ECD: variants seen among roughly 807,000 people sequenced by gnomAD.
The protein encoded by ECD is protein ecdysoneless homolog.
Under a neutral mutation model 77.2 loss-of-function variants are expected in ECD, and 59 were observed. The ratio of observed to expected loss-of-function variants is 0.76; its 90% confidence interval spans 0.62 to 0.95. The LOEUF (loss-of-function observed/expected upper bound fraction) is 0.95, where lower values mean the gene tolerates loss of function less well. Ranked by LOEUF, ECD falls within the 40% of genes least tolerant of loss-of-function variation. ECD has a pLI of 0.00. For synonymous variants in ECD, 233 were observed against 267.4 expected, an observed-to-expected ratio of 0.87 and a Z score of 1.26; for missense variants, 704 against 763.4, an observed-to-expected ratio of 0.92 and a Z score of 0.92.
At chr10:73,146,410 GA>G in intron 8 of ECD, 49 bp from the exon 9 acceptor site, 9 of 1,345,226 alleles carry the variant, frequency 6.7e-6, no homozygotes, top group Non-Finnish European at 7.1e-6. Flanking sequence ...AAGTTGTCAT[GA>G]AAAAAATGTG....
In ECD at chr10:73,138,121, T is replaced by A. The variant is rs189779912; in HGVS notation, c.1422-51A>T. 2.2e-6 allele frequency: 3 copies of A among 1,388,646 alleles called. No homozygotes were observed. The African/African-American group carries it at 4.6e-5, about 21-fold the overall frequency. 86.0% of individuals were successfully genotyped at this position (1,388,646 alleles called of 1,614,324 possible). The stretch of plus-strand genomic sequence containing the variant: ...TTAATTTATTCTAAATACAACTCTT[T>A]GAAACTTTTCTAAAGTGGTGCCATT... On this transcript the variant is annotated intron_variant, in intron 11 of 13. Transcript: ENST00000372979.
At chr10:73,146,886 T>C (rs1036679899) in intron 8 of ECD, among the ~76,000 whole-genome samples, 2 of 152,192 alleles carry the variant, frequency 1.3e-5, no homozygotes, top group African/African-American at 4.8e-5. Flanking sequence ...ATTACTATCA[T>C]TTGTGTTTTC....
At chr10:73,141,960 TTTTTTC>T (rs919508460) in intron 9 of ECD, among the ~76,000 whole-genome samples, 47 of 152,280 alleles carry the variant, frequency 3.1e-4, no homozygotes, top group African/African-American at 1.0e-3. Context: ...ATAGTTTCTT[TTTTTTC>T]TTTTTCTAAG....
chr10:73,138,886 C>T (rs1843012333), intron 11 of ECD, among the ~76,000 whole-genome samples: 1 of 152,128 alleles, frequency 6.6e-6, no homozygotes, highest in African/African-American at 2.4e-5. Context: ...ATTCTATCTA[C>T]CTGTTTTTCC....
chr10:73,137,957 C>G, intron 12 of ECD, 46 bp downstream of exon 12: 1 of 1,438,338 alleles, frequency 7.0e-7, no homozygotes, highest in Non-Finnish European at 9.4e-7. Context: ...AACAGCCATA[C>G]TACTAACAGT....
intron 13 of ECD, among the ~76,000 whole-genome samples, chr10:73,135,053 C>G (rs1178704160): frequency 6.6e-6 from 1 of 151,996 alleles, no homozygotes. Flanking sequence ...TCCTGCAAAT[C>G]GAATAAATTG....
chr10:73,153,039 C>G (rs760326971), intron 6 of ECD, among the ~76,000 whole-genome samples: 18 of 151,360 alleles, frequency 1.2e-4, no homozygotes, highest in Admixed American at 4.6e-4. Flanking sequence ...ATTTCTGAGA[C>G]AGGGTCTTGC....
intron 13 of ECD, 63 bp downstream of exon 13, chr10:73,136,641 A>G: frequency 1.4e-6 from 2 of 1,425,326 alleles, no homozygotes; most frequent in Non-Finnish European, 1.9e-6. Context: ...CTATGATAAA[A>G]TATGGTTTTA....
chr10:73,151,532 A>T (rs574579062), intron 7 of ECD, among the ~76,000 whole-genome samples: 59 of 151,816 alleles, frequency 3.9e-4, no homozygotes, highest in South Asian at 2.1e-3. Flanking sequence ...ATAATAATAA[A>T]AAAAAAAAGA....
intron 2 of ECD, among the ~76,000 whole-genome samples, chr10:73,161,176 A>C (rs911332481): frequency 6.6e-6 from 1 of 151,188 alleles, no homozygotes; most frequent in African/African-American, 2.4e-5. Context: ...AAAAAAAAAA[A>C]CAAAAACTAA....
intron 7 of ECD, among the ~76,000 whole-genome samples, chr10:73,149,816 G>A (rs1295073458): frequency 6.6e-6 from 1 of 152,112 alleles, no homozygotes; most frequent in Non-Finnish European, 1.5e-5. Context: ...TATCAACAAT[G>A]TCTGAGAATG....
In ECD at chr10:73,148,381, G is replaced by A; in HGVS notation, c.936C>T (p.Cys312=). 6.2e-7 allele frequency: 1 copy of A among 1,613,832 alleles called. No individual in the cohort carries two copies. The highest frequency in any genetic ancestry group is 8.5e-7 in the Non-Finnish European group (1 of 1,179,836). The change falls in exon 8 of 14, where the codon TGC becomes TGT. Residue 312 remains cysteine, a synonymous_variant. Transcript: ENST00000372979. ...CAGAAAAATGTGGGCTACATTTGGAGCATAAGATCTCAAATCCATGAGCCT... is the reference window on the plus strand; with the variant it reads ...CAGAAAAATGTGGGCTACATTTGGAACATAAGATCTCAAATCCATGAGCCT... The part of the protein sequence containing the change: ...MKLAHGFEIL[C]SKCSPHFSDC...
chr10:73,146,832 A>G (rs2133256970), intron 8 of ECD, among the ~76,000 whole-genome samples: 1 of 152,314 alleles, frequency 6.6e-6, no homozygotes, highest in African/African-American at 2.4e-5. Context: ...AAAACAAAGT[A>G]CAGAAAGTTT....
chr10:73,149,553 CAACA>C (rs1363943446), intron 7 of ECD, among the ~76,000 whole-genome samples: 1 of 152,124 alleles, frequency 6.6e-6, no homozygotes, highest in Non-Finnish European at 1.5e-5. Flanking sequence ...ATGACATATT[CAACA>C]GTTTATTATA....
intron 5 of ECD, 68 bp from the exon 6 acceptor site, chr10:73,154,516 C>T (rs1458144852): frequency 1.5e-5 from 21 of 1,400,256 alleles, no homozygotes; most frequent in Non-Finnish European, 2.0e-5. Context: ...ATACCATTCA[C>T]ATTCTTTTTG....
Position 73,152,331 on chromosome 10 carries a change from C to A in ECD, c.874G>T (p.Asp292Tyr). 6.2e-7 allele frequency: 1 copy of A among 1,613,858 alleles called. No homozygotes were observed. Among genetic ancestry groups the A allele is most frequent in the Middle Eastern group, 1.6e-4 (1 of 6,062 alleles). ...RSGYRLPPPS[D>Y]PQYRAHELGM... ...AATTCATGGGCTCGGTACTGGGGAT[C>A]AGATGGAGGAGGCAGCCTGTATCCA... is the stretch of plus-strand genomic sequence containing the variant. The change falls in exon 7 of 14, where the codon GAT becomes TAT. Residue 292 changes from aspartate to tyrosine, a missense_variant. Coordinates refer to ENST00000372979, the MANE Select transcript of ECD (RefSeq NM_007265.3).
In ECD at chr10:73,163,841, C is replaced by G. The variant is rs754234290; in HGVS notation, c.97G>C (p.Glu33Gln). The G allele has an allele frequency of 6.2e-7, 1 of 1,614,092 alleles. No homozygotes were observed. Among genetic ancestry groups the G allele is most frequent in the East Asian group, 2.2e-5 (1 of 44,870 alleles). The change falls in exon 2 of 14, where the codon GAG (glutamate) becomes CAG (glutamine). Residue 33 changes from glutamate to glutamine, a missense_variant. This residue lies in a region of ECD where 559 missense variants were observed against 583.7 expected (regional missense o/e 0.96). Transcript: ENST00000372979. ...DESRDSDKHK[E>Q]ILQKYIERII... ...CTCTCAATGTACTTCTGAAGAATCT[C>G]TTTATGTTTATCTGAGTCCCTTGAC...
chr10:73,139,560 C>T (rs945633938), intron 10 of ECD, 65 bp from the exon 11 acceptor site: 1 of 1,591,244 alleles, frequency 6.3e-7, no homozygotes, highest in Non-Finnish European at 8.5e-7. Context: ...GGAGAGGATC[C>T]TGTGAGACTG....
intron 2 of ECD, among the ~76,000 whole-genome samples, chr10:73,162,310 C>T (rs556495360): frequency 7.9e-5 from 12 of 152,320 alleles, no homozygotes; most frequent in African/African-American, 2.6e-4. Context: ...ATTTTAGAAG[C>T]ATTCAGGATT....
Sources: allele counts gnomAD v4.1 joint callset (sites outside exome capture counted in the v4.1 genomes callset), GRCh38; gene constraint gnomAD v4.1.1; regional missense constraint gnomAD v4.1.1; transcripts MANE v1.5; gene names NCBI Gene and HGNC (gene_info 2026-07-23, HGNC 2026-07-21).